The following ECT2L variants were observed in gnomAD, a reference collection of about 807,000 sequenced individuals.
ECT2L encodes the protein epithelial cell-transforming sequence 2 oncogene-like.
ECT2L carries 126 observed loss-of-function variants against 122.8 expected under a neutral mutation model. The ratio of observed to expected loss-of-function variants is 1.03; its 90% CI spans 0.89 to 1.19. The LOEUF (loss-of-function observed/expected upper bound fraction) is 1.19. Among genes scored for constraint, ECT2L ranks in the 50% most tolerant of loss-of-function variants. The pLI is 0.00. For missense variants in ECT2L, 1,012 were observed against 1,064.1 expected, an observed-to-expected ratio of 0.95 and a Z score of 0.68; for synonymous variants, 385 against 381.8, an observed-to-expected ratio of 1.01 and a Z score of -0.10.
chr6:138,898,160 C>CA (rs944290064), intron 20 of ECT2L, among the ~76,000 whole-genome samples: 12 of 152,204 alleles, frequency 7.9e-5, no homozygotes, highest in Non-Finnish European at 1.3e-4. Context: ...CTGCCCATCA[C>CA]AGACTTAAAA....
intron 10 of ECT2L, among the ~76,000 whole-genome samples, chr6:138,855,163 A>T (rs1777571584): frequency 6.6e-6 from 1 of 151,958 alleles, no homozygotes; most frequent in Non-Finnish European, 1.5e-5. Flanking sequence ...TTACAAAGTT[A>T]TTCCAATTAT....
At chr6:138,824,621 C>T (rs1776379958) in intron 4 of ECT2L, among the ~76,000 whole-genome samples, 1 of 148,496 alleles carries the variant, frequency 6.7e-6, no homozygotes, top group Admixed American at 6.7e-5. Flanking sequence ...CACTGTAATG[C>T]ACATCAAGTG....
chr6:138,842,306 C>T (rs1777066197), intron 5 of ECT2L, among the ~76,000 whole-genome samples: 1 of 151,498 alleles, frequency 6.6e-6, no homozygotes, highest in Admixed American at 6.6e-5. Context: ...TAAAAATACA[C>T]AAAAACTAGG....
At position 138,882,796 on chromosome 6, in the gene ECT2L, G is replaced by A. The variant is rs773692296; in HGVS notation, c.1953G>A (p.Thr651=). The part of the protein sequence containing the change: ...GPAHCVGEIV[T]KFGSQLNTYT... ...CTCACTGTGTGGGAGAAATAGTCAC[G>A]AAGTTTGGAAGCCAGTTAAACACAT... The change falls in exon 16 of 22, where the codon ACG becomes ACA. Residue 651 remains threonine (T), a synonymous_variant. Coordinates refer to ENST00000541398, the MANE Select transcript of ECT2L (RefSeq NM_001077706.3). The A allele has an allele frequency of 4.1e-5, 66 of 1,614,078 alleles. No individual in the cohort carries two copies. The highest frequency in any genetic ancestry group is 2.0e-4 in the Admixed American group (12 of 60,010).
chr6:138,854,230 C>T (rs918199264), intron 10 of ECT2L, 76 bp downstream of exon 10: 13 of 1,445,522 alleles, frequency 9.0e-6, no homozygotes, highest in Non-Finnish European at 1.1e-5. Context: ...ATTGAAGTGC[C>T]CCTGGGTCAA....
chr6:138,804,658 A>G (rs1775653755), intron 1 of ECT2L, among the ~76,000 whole-genome samples: 1 of 152,086 alleles, frequency 6.6e-6, no homozygotes, highest in African/African-American at 2.4e-5. Flanking sequence ...TCTGTAGATC[A>G]AGTTGAGGGA....
intron 2 of ECT2L, 32 bp from the exon 3 acceptor site, chr6:138,813,140 T>C: frequency 3.4e-6 from 2 of 587,488 alleles, no homozygotes; most frequent in Non-Finnish European, 6.0e-6. Context: ...ATATAATTCC[T>C]ATAAGGACAT....
chr6:138,825,423 T>C (rs771550580), intron 4 of ECT2L, among the ~76,000 whole-genome samples: 3 of 151,792 alleles, frequency 2.0e-5, no homozygotes, highest in Non-Finnish European at 4.4e-5. Flanking sequence ...CTACTAAAAA[T>C]ACAAAAATAC....
chr6:138,875,880 G>T (rs557592282), intron 13 of ECT2L, among the ~76,000 whole-genome samples: 1 of 152,158 alleles, frequency 6.6e-6, no homozygotes, highest in Non-Finnish European at 1.5e-5. Context: ...CAGCACTTTG[G>T]GAGGCCAAGG....
intron 4 of ECT2L, chr6:138,823,314 C>T (rs989490071): frequency 6.8e-5 from 109 of 1,593,304 alleles, no homozygotes; most frequent in Middle Eastern, 3.3e-4. Flanking sequence ...CATTTTCCCC[C>T]GCTACCTAGG....
At chr6:138,892,467 C>T (rs574724690) in intron 20 of ECT2L, among the ~76,000 whole-genome samples, 7 of 152,192 alleles carry the variant, frequency 4.6e-5, no homozygotes, top group Admixed American at 4.6e-4. Context: ...CCTGTCTCTT[C>T]AGTCTGTGTA....
chr6:138,807,890 C>CCAATA (rs1174667903), intron 1 of ECT2L, among the ~76,000 whole-genome samples: 1 of 152,098 alleles, frequency 6.6e-6, no homozygotes, highest in Non-Finnish European at 1.5e-5. Flanking sequence ...TGTTCATGTG[C>CCAATA]CAATACCTCA....
At chr6:138,888,139 T>G (rs1778889559) in intron 19 of ECT2L, among the ~76,000 whole-genome samples, 2 of 152,112 alleles carry the variant, frequency 1.3e-5, no homozygotes, top group Admixed American at 6.6e-5. Flanking sequence ...GGTCTGGACA[T>G]TTTGTAGGGA....
At chr6:138,896,437 G>C (rs749640239) in intron 20 of ECT2L, among the ~76,000 whole-genome samples, 2 of 152,134 alleles carry the variant, frequency 1.3e-5, no homozygotes, top group African/African-American at 2.4e-5. Flanking sequence ...TTTCCCCAAA[G>C]GGATCTACAG....
At position 138,901,131 on chromosome 6, in the gene ECT2L, T is replaced by C. The variant is rs1779383779; in HGVS notation, c.2587+11T>C. On this transcript the variant is annotated intron_variant, in intron 21 of 21. Coordinates refer to ENST00000541398, the MANE Select transcript of ECT2L (RefSeq NM_001077706.3). ...TTCCAGATTCCAAGTGTATGTATTC[T>C]TTTCCTTCCAAGAGACAGATACCTT... 1 of 1,612,644 alleles carries C rather than the reference T, an allele frequency of 6.2e-7. No individual in the cohort carries two copies. Among genetic ancestry groups the C allele is most frequent in the African/African-American group, 1.3e-5 (1 of 74,880 alleles).
At chr6:138,821,964 T>C (rs1057247242) in intron 4 of ECT2L, among the ~76,000 whole-genome samples, 36 of 152,196 alleles carry the variant, frequency 2.4e-4, no homozygotes, top group Admixed American at 7.2e-4. Flanking sequence ...ACACAGGGAC[T>C]GACTGTAGCC....
intron 4 of ECT2L, among the ~76,000 whole-genome samples, chr6:138,831,457 C>A (rs895804761): frequency 6.6e-6 from 1 of 152,198 alleles, no homozygotes; most frequent in Non-Finnish European, 1.5e-5. Flanking sequence ...GTGCTTCAGC[C>A]CAACTCACCT....
intron 1 of ECT2L, among the ~76,000 whole-genome samples, chr6:138,798,840 T>C (rs1006806977): frequency 7.2e-5 from 11 of 152,228 alleles, no homozygotes; most frequent in African/African-American, 2.2e-4. Flanking sequence ...CTTAGGAGTA[T>C]GTGCCTGTAA....
At chr6:138,884,220 A>G (rs560870488) in intron 16 of ECT2L, among the ~76,000 whole-genome samples, 7 of 152,330 alleles carry the variant, frequency 4.6e-5, no homozygotes, top group Non-Finnish European at 8.8e-5. Context: ...GTCTTAGCCG[A>G]AAGTCCAGTA....
Sources: gnomAD v4.1 joint callset for allele counts (sites outside exome capture counted in the v4.1 genomes callset) on GRCh38, gnomAD v4.1.1 for gene constraint, MANE v1.5 for transcripts, NCBI Gene and HGNC (gene_info 2026-07-23, HGNC 2026-07-21) for gene names.